The following LRRC4C variants were observed in gnomAD, a reference collection of about 807,000 sequenced individuals.
LRRC4C encodes the protein leucine-rich repeat-containing protein 4C.
In LRRC4C, 5 loss-of-function variants were observed where a neutral mutation model predicts 33.6. The ratio of observed to expected loss-of-function variants is 0.15; its 90% CI spans 0.08 to 0.31. The LOEUF is 0.31. LRRC4C is among the 10% of genes least tolerant of loss of function. The probability of loss-of-function intolerance (pLI) is 1.00; values close to 1 mark genes in which losing one functional copy is unlikely to be tolerated. For synonymous variants in LRRC4C, 329 were observed against 302.0 expected (o/e 1.09, Z -0.93); for missense variants, 560 against 796.7 (o/e 0.70, Z 3.58).
chr11:40,238,119 A>C (rs910923639), intron 5 of LRRC4C, among the ~76,000 whole-genome samples: 1 of 152,164 alleles, frequency 6.6e-6, no homozygotes, highest in Non-Finnish European at 1.5e-5. Flanking sequence ...TGGTGTTCTT[A>C]AGAGAATATC....
At chr11:40,288,718 G>C in intron 4 of LRRC4C, among the ~76,000 whole-genome samples, 1 of 152,078 alleles carries the variant, frequency 6.6e-6, no homozygotes, top group South Asian at 2.1e-4. Context: ...ACAAAGTAAA[G>C]ATTTTGTTTA....
chr11:40,651,638 C>T (rs916533438), intron 2 of LRRC4C, among the ~76,000 whole-genome samples: 5 of 152,232 alleles, frequency 3.3e-5, no homozygotes, highest in African/African-American at 9.6e-5. Flanking sequence ...GAAAACTATA[C>T]GTTTAGCACA....
At chr11:40,886,693 T>C (rs1468463065) in intron 2 of LRRC4C, among the ~76,000 whole-genome samples, 1 of 151,730 alleles carries the variant, frequency 6.6e-6, no homozygotes, top group African/African-American at 2.4e-5. Context: ...CAGAAACTTC[T>C]AAAAGTTAGA....
At chr11:41,339,525 G>GA (rs1239651642) in intron 1 of LRRC4C, among the ~76,000 whole-genome samples, 10 of 151,840 alleles carry the variant, frequency 6.6e-5, no homozygotes, top group South Asian at 4.2e-4. Flanking sequence ...AAACTAGCAG[G>GA]AAAAAAAACA....
intron 3 of LRRC4C, among the ~76,000 whole-genome samples, chr11:40,467,801 A>G (rs1212191103): frequency 1.4e-4 from 21 of 152,214 alleles, no homozygotes; most frequent in Non-Finnish European, 1.5e-5. Context: ...GAGGCAAGAG[A>G]AAAGCTAGGC....
chr11:40,716,505 G>A (rs926496218), intron 2 of LRRC4C, among the ~76,000 whole-genome samples: 1 of 151,994 alleles, frequency 6.6e-6, no homozygotes, highest in African/African-American at 2.4e-5. Flanking sequence ...TGGGCCTCTG[G>A]GCAGGAGGTC....
chr11:40,137,115 A>G (rs538124186), intron 6 of LRRC4C, among the ~76,000 whole-genome samples: 6 of 152,296 alleles, frequency 3.9e-5, no homozygotes, highest in Admixed American at 2.0e-4. Flanking sequence ...TATCACTTAA[A>G]GAAGTTTATT....
intron 6 of LRRC4C, among the ~76,000 whole-genome samples, chr11:40,137,763 T>A (rs1857081524): frequency 6.6e-6 from 1 of 152,196 alleles, no homozygotes; most frequent in Admixed American, 6.5e-5. Flanking sequence ...AAAATGTGTG[T>A]GGTAGCATCT....
At chr11:40,284,384 T>G (rs1943693793) in intron 4 of LRRC4C, among the ~76,000 whole-genome samples, 1 of 152,192 alleles carries the variant, frequency 6.6e-6, no homozygotes, top group East Asian at 1.9e-4. Context: ...ATAAAGAGGA[T>G]GTTCAGCATT....
At chr11:40,355,952 TTGTATAGTATAGTATAGTATAGTAC>T (rs1947640779) in intron 3 of LRRC4C, among the ~76,000 whole-genome samples, 1 of 116,298 alleles carries the variant, frequency 8.6e-6, no homozygotes, top group East Asian at 2.5e-4. Flanking sequence ...TAGTATAGTA[TTGTATAGTATAGTATAGTATAGTAC>T]AGTATAGTAT....
At chr11:40,139,558 A>G (rs187616543) in intron 6 of LRRC4C, among the ~76,000 whole-genome samples, 1 of 152,268 alleles carries the variant, frequency 6.6e-6, no homozygotes, top group East Asian at 1.9e-4. Flanking sequence ...CGAACCCCAA[A>G]TTAGTCAAAT....
intron 2 of LRRC4C, among the ~76,000 whole-genome samples, chr11:40,880,556 A>AAC (rs1268811590): frequency 1.3e-5 from 2 of 151,082 alleles, no homozygotes; most frequent in African/African-American, 4.9e-5. Context: ...AAAAAAAAAA[A>AAC]AACTACACAG....
chr11:41,369,378 G>A (rs777031238), intron 1 of LRRC4C, among the ~76,000 whole-genome samples: 22 of 151,972 alleles, frequency 1.4e-4, no homozygotes, highest in African/African-American at 5.1e-4. Flanking sequence ...GGGCCTCTAA[G>A]AGGGTGGAGG....
intron 1 of LRRC4C, among the ~76,000 whole-genome samples, chr11:41,364,238 G>T (rs183986832): frequency 1.3e-5 from 2 of 152,134 alleles, no homozygotes; most frequent in Non-Finnish European, 2.9e-5. Context: ...ATTAAATTTA[G>T]TTTAAAATCT....
intron 2 of LRRC4C, among the ~76,000 whole-genome samples, chr11:40,750,199 G>A (rs1948612728): frequency 6.6e-6 from 1 of 152,060 alleles, no homozygotes; most frequent in Non-Finnish European, 1.5e-5. Context: ...CCCAATCTGG[G>A]TGACAGAGTG....
chr11:40,668,035 G>GA (rs981681374), intron 2 of LRRC4C, among the ~76,000 whole-genome samples: 14 of 151,978 alleles, frequency 9.2e-5, no homozygotes, highest in Non-Finnish European at 1.5e-5. Flanking sequence ...AGTACTTTTT[G>GA]AAAAAACATA....
chr11:40,584,284 T>C (rs1228112571), intron 3 of LRRC4C, among the ~76,000 whole-genome samples: 1 of 148,622 alleles, frequency 6.7e-6, no homozygotes, highest in Non-Finnish European at 1.5e-5. Context: ...ATGACCTCTA[T>C]CATCCAGATG....
At chr11:41,134,237 C>G (rs1222082573) in intron 1 of LRRC4C, among the ~76,000 whole-genome samples, 6 of 152,108 alleles carry the variant, frequency 3.9e-5, no homozygotes, top group Admixed American at 3.9e-4. Context: ...GCTGGGACTA[C>G]AGGAGCACAC....
intron 5 of LRRC4C, among the ~76,000 whole-genome samples, chr11:40,227,668 A>G (rs2135978300): frequency 6.6e-6 from 1 of 152,276 alleles, no homozygotes; most frequent in South Asian, 2.1e-4. Flanking sequence ...TTGAGAGCAG[A>G]GGGTTATGGT....
Sources: allele counts gnomAD v4.1 joint callset (sites outside exome capture counted in the v4.1 genomes callset), GRCh38; gene constraint gnomAD v4.1.1; transcripts MANE v1.5; gene names NCBI Gene and HGNC (gene_info 2026-07-23, HGNC 2026-07-21).